Variants in SGPP1 observed in about 807,000 individuals in gnomAD.
The protein encoded by SGPP1 is hSPP1.
SGPP1 carries 21 observed loss-of-function variants against 33.0 expected under a neutral mutation model. The ratio of observed to expected loss-of-function variants is 0.64; its 90% CI spans 0.45 to 0.92. The LOEUF is 0.92. Among genes scored for constraint, SGPP1 ranks in the 40% least tolerant of loss-of-function variants. The pLI is 0.00. For synonymous variants in SGPP1, 239 were observed against 241.2 expected (o/e 0.99, Z 0.08); for missense variants, 543 against 589.4 (o/e 0.92, Z 0.81).
At chr14:63,707,114 T>C (rs1008252381) in intron 1 of SGPP1, among the ~76,000 whole-genome samples, 48 of 151,912 alleles carry the variant, frequency 3.2e-4, no homozygotes, top group African/African-American at 1.1e-3. Context: ...AAATATAATT[T>C]AAAACATTCT....
intron 1 of SGPP1, among the ~76,000 whole-genome samples, chr14:63,712,076 T>C (rs1885534522): frequency 6.6e-6 from 1 of 151,130 alleles, no homozygotes; most frequent in South Asian, 2.1e-4. Context: ...AATAAACTGA[T>C]ACATAAAATT....
intron 2 of SGPP1, among the ~76,000 whole-genome samples, chr14:63,697,817 T>C (rs370291736): frequency 3.3e-5 from 5 of 152,210 alleles, no homozygotes; most frequent in African/African-American, 1.2e-4. Flanking sequence ...AAGAAACCCT[T>C]TGCATTGGAG....
intron 1 of SGPP1, among the ~76,000 whole-genome samples, chr14:63,719,735 CTCTATA>C (rs1885729632): frequency 7.1e-6 from 1 of 141,402 alleles, no homozygotes; most frequent in African/African-American, 3.1e-5. Context: ...CCCTCTCTCT[CTCTATA>C]TATATATAGA....
At chr14:63,715,160 C>A (rs1184169188) in intron 1 of SGPP1, among the ~76,000 whole-genome samples, 1 of 151,578 alleles carries the variant, frequency 6.6e-6, no homozygotes, top group Non-Finnish European at 1.5e-5. Context: ...ATTACAGGCG[C>A]CTGCCACCAC....
At chr14:63,726,572 G>A (rs184115501) in intron 1 of SGPP1, among the ~76,000 whole-genome samples, 1 of 152,234 alleles carries the variant, frequency 6.6e-6, no homozygotes, top group Non-Finnish European at 1.5e-5. Context: ...CATTTTTAGA[G>A]TTAATGAGGC....
At position 63,685,355 on chromosome 14, in the gene SGPP1, A is replaced by G. The variant is rs1884948311; in HGVS notation, c.*750T>C. Reference sequence around the variant, plus strand: ...AGCATTTCTTAATTTAGCAACGGAAAGGCACAATTAGCAAGCAATAAAATT... The same window carrying G: ...AGCATTTCTTAATTTAGCAACGGAAGGGCACAATTAGCAAGCAATAAAATT... On this transcript the variant is annotated 3_prime_UTR_variant, in exon 3 of 3. Transcript: ENST00000247225. The G allele has an allele frequency of 6.6e-6, 1 of 152,524 alleles. No homozygotes were observed. The highest frequency in any genetic ancestry group is 2.4e-5 in the African/African-American group (1 of 41,436). The allele number at this position is 152,524 out of a possible 1,614,324, so 9.4% of individuals were successfully genotyped here.
At chr14:63,711,981 G>A (rs1213182627) in intron 1 of SGPP1, among the ~76,000 whole-genome samples, 1 of 144,486 alleles carries the variant, frequency 6.9e-6, no homozygotes, top group Non-Finnish European at 1.5e-5. Flanking sequence ...AGCGAGCCAA[G>A]ATCGCACCAC....
chr14:63,721,535 G>C (rs1457034704), intron 1 of SGPP1, among the ~76,000 whole-genome samples: 2 of 152,094 alleles, frequency 1.3e-5, no homozygotes, highest in East Asian at 3.8e-4. Flanking sequence ...TAAAAAAGAG[G>C]CAAGCCAATT....
rs986788048 is a variant in SGPP1, at chr14:63,684,572, A to T, written c.*1533T>A. The T allele has an allele frequency of 6.6e-6, 1 of 152,512 alleles. No individual in the cohort carries two copies. The highest frequency in any genetic ancestry group is 1.5e-5 in the Non-Finnish European group (1 of 67,932). The allele number at this position is 152,512 out of a possible 1,614,324, so 9.4% of individuals were successfully genotyped here. On this transcript the variant is annotated 3_prime_UTR_variant, in exon 3 of 3. Transcript: ENST00000247225. ...CTAAATTCTCAATCAGAATTATAAA[A>T]ATATGAGCTCAAATAGTTATGGTGC...
intron 2 of SGPP1, among the ~76,000 whole-genome samples, chr14:63,695,389 G>A (rs1460502298): frequency 1.3e-5 from 2 of 152,104 alleles, no homozygotes; most frequent in Non-Finnish European, 2.9e-5. Flanking sequence ...TATATTTCAG[G>A]TGCCCTGGAT....
chr14:63,719,726 C>CCT (rs113048516), intron 1 of SGPP1, among the ~76,000 whole-genome samples: 4 of 148,746 alleles, frequency 2.7e-5, no homozygotes, highest in African/African-American at 5.0e-5. Flanking sequence ...TGCCTCTCTC[C>CCT]CTCTCTCTCT....
chr14:63,702,403 T>C (rs1885317701), intron 1 of SGPP1, among the ~76,000 whole-genome samples: 1 of 151,986 alleles, frequency 6.6e-6, no homozygotes, highest in Non-Finnish European at 1.5e-5. Flanking sequence ...CTAGATTTTT[T>C]TATGGAAAAA....
chr14:63,722,703 C>T (rs866558740), intron 1 of SGPP1, among the ~76,000 whole-genome samples: 3 of 151,974 alleles, frequency 2.0e-5, no homozygotes, highest in Non-Finnish European at 2.9e-5. Flanking sequence ...AGGTGGCTGA[C>T]GCCTGTAATA....
intron 1 of SGPP1, among the ~76,000 whole-genome samples, chr14:63,723,140 G>A (rs1023083100): frequency 6.6e-6 from 1 of 151,998 alleles, no homozygotes; most frequent in African/African-American, 2.4e-5. Context: ...AAATGGAAAA[G>A]GAACGTCATA....
intron 1 of SGPP1, among the ~76,000 whole-genome samples, chr14:63,721,856 C>A (rs1438503256): frequency 6.6e-6 from 1 of 152,130 alleles, no homozygotes. Context: ...GTTTAAAACA[C>A]AAATATTTGT....
intron 1 of SGPP1, among the ~76,000 whole-genome samples, chr14:63,699,891 G>A (rs756180445): frequency 5.3e-5 from 8 of 151,996 alleles, no homozygotes; most frequent in Non-Finnish European, 1.0e-4. Flanking sequence ...ACACAAGAGC[G>A]TATCTTCCTC....
intron 1 of SGPP1, among the ~76,000 whole-genome samples, chr14:63,699,751 T>G (rs956673357): frequency 1.3e-5 from 2 of 151,212 alleles, no homozygotes; most frequent in Admixed American, 1.3e-4. Context: ...GTTGTTGTTG[T>G]TTTTTTTACA....
intron 1 of SGPP1, among the ~76,000 whole-genome samples, chr14:63,723,161 T>G (rs1449857767): frequency 6.6e-6 from 1 of 152,184 alleles, no homozygotes; most frequent in Non-Finnish European, 1.5e-5. Flanking sequence ...TTGTTTATCT[T>G]ATTCTTCAAA....
intron 1 of SGPP1, among the ~76,000 whole-genome samples, chr14:63,701,195 A>G (rs1434598665): frequency 6.6e-6 from 1 of 152,034 alleles, no homozygotes; most frequent in Admixed American, 6.6e-5. Flanking sequence ...GTTGCCCATG[A>G]CTGGTCTTAA....
Sources: gnomAD v4.1 joint callset for allele counts (sites outside exome capture counted in the v4.1 genomes callset) on GRCh38, gnomAD v4.1.1 for gene constraint, MANE v1.5 for transcripts, NCBI Gene and HGNC (gene_info 2026-07-23, HGNC 2026-07-21) for gene names.